KCTD6: variants seen among roughly 807,000 people sequenced by gnomAD.
The protein encoded by KCTD6 is BTB/POZ domain-containing protein KCTD6.
In KCTD6, 6 loss-of-function variants were observed where a neutral mutation model predicts 18.7. The observed-to-expected ratio is 0.32, with a 90% CI of 0.18 to 0.63. KCTD6 has a LOEUF of 0.63. Among genes scored for constraint, KCTD6 ranks in the 30% least tolerant of loss-of-function variants. The pLI is 0.79. For synonymous variants in KCTD6, 86 were observed against 108.5 expected (o/e 0.79, Z 1.29); for missense variants, 165 against 300.2 (o/e 0.55, Z 3.33).
At chr3:58,495,815 C>T (rs2063172878) in intron 1 of KCTD6, among the ~76,000 whole-genome samples, 1 of 151,362 alleles carries the variant, frequency 6.6e-6, no homozygotes, top group Non-Finnish European at 1.5e-5. Flanking sequence ...GCTTTCATTA[C>T]ATCTTTGTAC....
rs1478697241 is a variant in KCTD6, at chr3:58,497,994, T to C, written c.-43-719T>C. 1 of 149,950 alleles carries C rather than the reference T, an allele frequency of 6.7e-6. No homozygotes were observed. Among genetic ancestry groups the C allele is most frequent in the Non-Finnish European group, 1.5e-5 (1 of 67,524 alleles). 9.3% of individuals were successfully genotyped at this position (149,950 alleles called of 1,614,324 possible). ...TTTCTTTTCTTTTCTTTTTTTTTTT[T>C]TTTTTGAGATGGAGTCTCGCACTGT... On this transcript the variant is annotated intron_variant, in intron 1 of 2. Transcript: ENST00000404589. This position sits in a 1 kb window ranked among gnomAD's most constrained non-coding sequence, Gnocchi z 4.2.
Position 58,501,067 on chromosome 3 carries a change from G to T in KCTD6, c.149G>T (p.Arg50Leu). 1.9e-6 allele frequency: 3 copies of T among 1,614,156 alleles called. No homozygotes were observed. The highest frequency in any genetic ancestry group is 2.5e-6 in the Non-Finnish European group (3 of 1,180,020). ...AMFGGDFPTA[R>L]DPQGNYFIDR... ...TTTGGGGGGGACTTCCCCACAGCTC[G>T]AGACCCTCAAGGCAATTACTTTATT... Residue 50 changes from arginine to leucine, a missense_variant, in exon 3 of 3, where the codon CGA (arginine) becomes CTA (leucine). Arg to Leu is a moderately radical substitution (Grantham distance 102, BLOSUM62 -2). Transcript: ENST00000404589. The surrounding 1 kb of genome is among the most constrained non-coding windows in gnomAD (Gnocchi z 9.7).
At position 58,496,132 on chromosome 3, in the gene KCTD6, T is replaced by TGG. The variant is rs5849258; in HGVS notation, c.-43-2575_-43-2574dup. 8.8e-4 allele frequency among the ~76,000 whole-genome samples: 134 copies of TGG among 151,858 alleles called. 2 individuals carry two copies. The highest frequency in any genetic ancestry group is 2.2e-3 in the African/African-American group (91 of 41,414). ...TGAATGGGTTCCTGCCTTTTTTTGG[T>TGG]GGGGGGGCCTCAGGAGAATTTTTAC... On this transcript the variant is annotated intron_variant, in intron 1 of 2. Coordinates refer to ENST00000404589, the MANE Select transcript of KCTD6 (RefSeq NM_001128214.2). The surrounding 1 kb of genome is among the most constrained non-coding windows in gnomAD (Gnocchi z 5.1).
chr3:58,495,826 C>T (rs1007256468), intron 1 of KCTD6, among the ~76,000 whole-genome samples: 5 of 150,706 alleles, frequency 3.3e-5, no homozygotes, highest in Non-Finnish European at 5.9e-5. Flanking sequence ...ATCTTTGTAC[C>T]GGAACTTTTG....
intron 1 of KCTD6, chr3:58,494,366 A>G (rs1478901455): frequency 6.6e-6 from 1 of 152,186 alleles, no homozygotes; most frequent in Non-Finnish European, 1.5e-5. Context: ...TCAAACTCCC[A>G]CATTTCAAGA....
chr3:58,501,497 C>T lies in KCTD6; in HGVS notation c.579C>T (p.His193=), dbSNP rs768109031. The T allele has an allele frequency of 4.0e-6, 6 of 1,511,798 alleles. No individual in the cohort carries two copies. The highest frequency in any genetic ancestry group is 5.3e-6 in the Non-Finnish European group (6 of 1,133,024). 93.6% of individuals were successfully genotyped at this position (1,511,798 alleles called of 1,614,324 possible). Residue 193 remains histidine (H), a synonymous_variant, in exon 3 of 3, where the codon CAC becomes CAT. Transcript: ENST00000404589. This position sits in a 1 kb window ranked among gnomAD's most constrained non-coding sequence, Gnocchi z 9.7. ...DYHQEVSLRV[H]LMEYITKQGF... is the part of the protein sequence containing the mutation. ...ACCAGGAAGTTTCTCTTAGGGTCCA[C>T]CTGATGGAATACATTACAAAACAAG...
chr3:58,493,582 C>G lies in KCTD6; in HGVS notation c.-44+1413C>G, dbSNP rs1300209808. On this transcript the variant is annotated intron_variant, in intron 1 of 2. Coordinates refer to ENST00000404589, the MANE Select transcript of KCTD6 (RefSeq NM_001128214.2). The surrounding 1 kb of genome is among the most constrained non-coding windows in gnomAD (Gnocchi z 4.5). ...GAACTCTGGGAAAACTAGACACTCCCCTTTACCTGTATATAGTTCTCCCTT... is the reference window on the plus strand; with the variant it reads ...GAACTCTGGGAAAACTAGACACTCCGCTTTACCTGTATATAGTTCTCCCTT... Among the ~76,000 whole-genome samples, 2 of 152,184 alleles carry G rather than the reference C, an allele frequency of 1.3e-5. No individual in the cohort carries two copies. Among genetic ancestry groups the G allele is most frequent in the East Asian group, 3.8e-4 (2 of 5,200 alleles).
intron 2 of KCTD6, among the ~76,000 whole-genome samples, chr3:58,499,762 A>G (rs938787111): frequency 6.6e-6 from 1 of 150,494 alleles, no homozygotes; most frequent in Non-Finnish European, 1.5e-5. Context: ...CTGGTCAGCA[A>G]CTCCTGGGCT....
Position 58,497,442 on chromosome 3 carries a change from A to C in KCTD6, c.-43-1271A>C, listed in dbSNP as rs755068768. Among the ~76,000 whole-genome samples the C allele has an allele frequency of 6.6e-6, 1 of 152,250 alleles. No individual in the cohort carries two copies. The highest frequency in any genetic ancestry group is 1.5e-5 in the Non-Finnish European group (1 of 68,042). On this transcript the variant is annotated intron_variant, in intron 1 of 2. Transcript: ENST00000404589. This position sits in a 1 kb window ranked among gnomAD's most constrained non-coding sequence, Gnocchi z 4.2. ...CAGTGCTTTTCCTGGATGAATACCAATAAGTCCATGTTTCTTACCATGTCT... is the reference window on the plus strand; with the variant it reads ...CAGTGCTTTTCCTGGATGAATACCACTAAGTCCATGTTTCTTACCATGTCT...
chr3:58,501,734 T>A lies in KCTD6; in HGVS notation c.*102T>A. On this transcript the variant is annotated 3_prime_UTR_variant, in exon 3 of 3. Coordinates refer to ENST00000404589, the MANE Select transcript of KCTD6 (RefSeq NM_001128214.2). The surrounding 1 kb of genome is among the most constrained non-coding windows in gnomAD (Gnocchi z 9.7). ...TGTGAGATATTTTTTTTCTTTTAAA[T>A]AGTTGTATTTATTTGAAGGCAGTGA... The A allele has an allele frequency of 1.2e-6, 1 of 814,544 alleles. No homozygotes were observed. The highest frequency in any genetic ancestry group is 1.7e-6 in the Non-Finnish European group (1 of 593,228). 50.5% of individuals were successfully genotyped at this position (814,544 alleles called of 1,614,324 possible).
intron 2 of KCTD6, among the ~76,000 whole-genome samples, chr3:58,499,905 G>C (rs532872024): frequency 6.6e-6 from 1 of 152,170 alleles, no homozygotes; most frequent in South Asian, 2.1e-4. Context: ...TTGCTTCTCA[G>C]AATTAAAGGC....
At chr3:58,499,562 TTTC>T (rs1311490907) in intron 2 of KCTD6, among the ~76,000 whole-genome samples, 4 of 150,392 alleles carry the variant, frequency 2.7e-5, no homozygotes, top group African/African-American at 9.9e-5. Context: ...TTTTTTTTTT[TTTC>T]GAGACAGGGT....
rs2063161748 is a variant in KCTD6 at position 58,493,054 on chromosome 3, T to G, written c.-44+885T>G. Among the ~76,000 whole-genome samples the G allele has an allele frequency of 6.6e-6, 1 of 152,166 alleles. No individual in the cohort carries two copies. Among genetic ancestry groups the G allele is most frequent in the Admixed American group, 6.5e-5 (1 of 15,284 alleles). On this transcript the variant is annotated intron_variant, in intron 1 of 2. Coordinates refer to ENST00000404589, the MANE Select transcript of KCTD6 (RefSeq NM_001128214.2). This position sits in a 1 kb window ranked among gnomAD's most constrained non-coding sequence, Gnocchi z 4.5. ...TCTATATCCCCCTGGCATGTTCTTT[T>G]TTTCGCTGTCACAAATGCCCTATTA...
At chr3:58,495,704 T>C (rs963990832) in intron 1 of KCTD6, among the ~76,000 whole-genome samples, 3 of 152,202 alleles carry the variant, frequency 2.0e-5, no homozygotes, top group African/African-American at 7.2e-5. Context: ...TCAATTTATT[T>C]TGATGTATCT....
intron 2 of KCTD6, 27 bp from the exon 3 acceptor site, chr3:58,500,919 G>T: frequency 7.0e-7 from 1 of 1,429,242 alleles, no homozygotes; most frequent in South Asian, 1.4e-5. Flanking sequence ...AATTTCAGAT[G>T]ACTGATCATT....
Position 58,500,925 on chromosome 3 carries a change from T to A in KCTD6, c.28-21T>A, listed in dbSNP as rs184832581. 3.4e-6 allele frequency: 5 copies of A among 1,468,226 alleles called. No individual in the cohort carries two copies. In the Admixed American group the frequency reaches 1.1e-4, roughly 33 times the overall value. The allele number at this position is 1,468,226 out of a possible 1,614,324, so 90.9% of individuals were successfully genotyped here. On this transcript the variant is annotated intron_variant, in intron 2 of 2. Coordinates refer to ENST00000404589, the MANE Select transcript of KCTD6 (RefSeq NM_001128214.2). ...GTATTTAAAAATTTCAGATGACTGATCATTTCTTTACAAATTTCAGATGAC... is the reference window on the plus strand; with the variant it reads ...GTATTTAAAAATTTCAGATGACTGAACATTTCTTTACAAATTTCAGATGAC...
At chr3:58,494,332 G>C (rs2063166984) in intron 1 of KCTD6, 1 of 152,130 alleles carries the variant, frequency 6.6e-6, no homozygotes, top group Non-Finnish European at 1.5e-5. Context: ...CGCTGAACTA[G>C]TTACTATAAA....
rs2063176276 is a variant in KCTD6, at chr3:58,496,631, CT to C, written c.-43-2080del. On this transcript the variant is annotated intron_variant, in intron 1 of 2. Transcript: ENST00000404589. This position sits in a 1 kb window ranked among gnomAD's most constrained non-coding sequence, Gnocchi z 5.1. The stretch of plus-strand genomic sequence containing the variant: ...AAGTCCTCTATTTCCCATTTGAAAT[CT>C]TGCTTTTCCCCTCTCACGGGCCTCT... Among the ~76,000 whole-genome samples the C allele has an allele frequency of 6.6e-6, 1 of 152,198 alleles. No individual in the cohort carries two copies. The highest frequency in any genetic ancestry group is 1.5e-5 in the Non-Finnish European group (1 of 68,040).
intron 2 of KCTD6, chr3:58,500,550 T>A (rs2107977161): frequency 6.3e-6 from 1 of 158,678 alleles, no homozygotes; most frequent in South Asian, 2.0e-4. Flanking sequence ...AATGTTAAAT[T>A]AAATTCAGAA....
Sources: gnomAD v4.1 joint callset for allele counts (sites outside exome capture counted in the v4.1 genomes callset) on GRCh38, gnomAD v4.1.1 for gene constraint, Gnocchi (gnomAD v3.1) non-coding constraint, MANE v1.5 for transcripts, NCBI Gene and HGNC (gene_info 2026-07-23, HGNC 2026-07-21) for gene names.